SGCD: variants seen among roughly 807,000 people sequenced by gnomAD.
SGCD encodes delta-sarcoglycan.
SGCD carries 18 observed loss-of-function variants against 36.6 expected under a neutral mutation model. The ratio of observed to expected loss-of-function variants is 0.49; its 90% CI spans 0.34 to 0.73. The LOEUF (loss-of-function observed/expected upper bound fraction) is 0.73, where lower values mean the gene tolerates loss of function less well. SGCD is among the 30% of genes least tolerant of loss of function. The pLI is 0.01. For synonymous variants in SGCD, 133 were observed against 130.6 expected, an observed-to-expected ratio of 1.02 and a Z score of -0.12; for missense variants, 387 against 346.7, an observed-to-expected ratio of 1.12 and a Z score of -0.92.
chr5:156,519,038 C>CA (rs1170979510), intron 4 of SGCD, among the ~76,000 whole-genome samples: 11 of 150,484 alleles, frequency 7.3e-5, no homozygotes, highest in Admixed American at 6.6e-4. Flanking sequence ...AAAAAAAATT[C>CA]AAAAAATCAA....
At chr5:156,383,133 A>G (rs1771071233) in intron 3 of SGCD, among the ~76,000 whole-genome samples, 2 of 152,174 alleles carry the variant, frequency 1.3e-5, no homozygotes, top group South Asian at 2.1e-4. Context: ...ACTGTAATGA[A>G]ACCTGGGCCA....
intron 7 of SGCD, among the ~76,000 whole-genome samples, chr5:156,751,265 G>A (rs371168714): frequency 1.6e-4 from 24 of 152,236 alleles, no homozygotes; most frequent in African/African-American, 5.3e-4. Flanking sequence ...AACATATGTT[G>A]AGATAATCTC....
At chr5:155,754,857 T>G in the SGCD span, among the ~76,000 whole-genome samples, 1 of 152,174 alleles carries the variant, frequency 6.6e-6, no homozygotes, top group East Asian at 1.9e-4. Context: ...TCGTAATTAT[T>G]TCTAACCTCT....
intron 6 of SGCD, among the ~76,000 whole-genome samples, chr5:156,638,753 G>A (rs970477053): frequency 2.6e-5 from 4 of 151,558 alleles, no homozygotes; most frequent in South Asian, 2.1e-4. Flanking sequence ...CATGAGTTCC[G>A]GTCTATTGGT....
intron 3 of SGCD, among the ~76,000 whole-genome samples, chr5:156,144,076 T>G (rs970902716): frequency 2.6e-5 from 4 of 152,168 alleles, no homozygotes; most frequent in African/African-American, 4.8e-5. Flanking sequence ...CTCTTCATTT[T>G]TTATGGCTGC....
intron 7 of SGCD, among the ~76,000 whole-genome samples, chr5:156,737,714 TACATTATAA>T (rs1756446314): frequency 6.6e-6 from 1 of 152,166 alleles, no homozygotes; most frequent in South Asian, 2.1e-4. Context: ...GGAGATCTCT[TACATTATAA>T]TCATATGGCA....
At chr5:156,205,397 T>C (rs1054748871) in intron 3 of SGCD, among the ~76,000 whole-genome samples, 38 of 152,032 alleles carry the variant, frequency 2.5e-4, no homozygotes, top group Admixed American at 2.2e-3. Context: ...ATAAGACTAA[T>C]AAAAGGCAAT....
the SGCD span, among the ~76,000 whole-genome samples, chr5:155,793,281 A>G: frequency 6.6e-6 from 1 of 152,078 alleles, no homozygotes; most frequent in Non-Finnish European, 1.5e-5. Flanking sequence ...CTGAAAAACT[A>G]CCTGTTGGAT....
chr5:155,807,304 G>T, the SGCD span, among the ~76,000 whole-genome samples: 1 of 152,210 alleles, frequency 6.6e-6, no homozygotes. Flanking sequence ...TTGTGACTAG[G>T]ATCATCCTTT....
chr5:156,332,262 G>C (rs1174680834), intron 2 of SGCD, among the ~76,000 whole-genome samples: 2 of 152,142 alleles, frequency 1.3e-5, no homozygotes, highest in Admixed American at 6.5e-5. Context: ...GGTTCACAAA[G>C]TGTTTTTTTG....
In SGCD at chr5:156,166,610, G is replaced by T. The variant is rs555379431; in HGVS notation, c.-44+42591G>T. Reference sequence around the variant, plus strand: ...GCTGGGATTGCAGGCGTGAGCCACCGTGCCCAGCCCTCCATAACCATTTTT... The same window carrying T: ...GCTGGGATTGCAGGCGTGAGCCACCTTGCCCAGCCCTCCATAACCATTTTT... On this transcript the variant is annotated intron_variant, in intron 3 of 9. Transcript: ENST00000517913. 1.4e-4 allele frequency among the ~76,000 whole-genome samples: 22 copies of T among 152,286 alleles called. No homozygotes were observed. The South Asian group carries it at 2.3e-3, about 16-fold the overall frequency.
rs201972994 is a variant in SGCD, at chr5:156,087,657, A to C, written c.-281-30221A>C. 1.6e-3 allele frequency among the ~76,000 whole-genome samples: 240 copies of C among 151,994 alleles called. 2 individuals are homozygous for C. The East Asian group carries it at 0.031, about 19-fold the overall frequency. ...CTCCATCTCAAAAAAAAAAAAAAAAAAAAACTAGTTCCTTCTGATTTTGTA... is the reference window on the plus strand; with the variant it reads ...CTCCATCTCAAAAAAAAAAAAAAAACAAAACTAGTTCCTTCTGATTTTGTA... On this transcript the variant is annotated intron_variant, in intron 1 of 9. Transcript: ENST00000517913.
chr5:156,512,088 G>A (rs184113840), intron 4 of SGCD, among the ~76,000 whole-genome samples: 127 of 151,228 alleles, frequency 8.4e-4, no homozygotes, highest in Non-Finnish European at 1.6e-3. Flanking sequence ...CAGCTATTCC[G>A]GAGACTGAGG....
the SGCD span, among the ~76,000 whole-genome samples, chr5:155,793,321 A>G: frequency 6.6e-6 from 1 of 152,152 alleles, no homozygotes; most frequent in African/African-American, 2.4e-5. Flanking sequence ...TGACAAGACC[A>G]TTCATACTCC....
chr5:156,494,723 T>C (rs1274998366), intron 3 of SGCD, among the ~76,000 whole-genome samples: 2 of 152,176 alleles, frequency 1.3e-5, no homozygotes, highest in African/African-American at 4.8e-5. Flanking sequence ...CTATTGATCC[T>C]TCTTCCTTCC....
the SGCD span, among the ~76,000 whole-genome samples, chr5:155,762,019 A>G: frequency 2.0e-5 from 3 of 152,238 alleles, no homozygotes; most frequent in African/African-American, 7.2e-5. Flanking sequence ...ACAAATATAC[A>G]CTTGAATCTC....
At chr5:156,283,022 GTGT>G (rs1322026512) in intron 3 of SGCD, among the ~76,000 whole-genome samples, 3 of 152,136 alleles carry the variant, frequency 2.0e-5, no homozygotes, top group Non-Finnish European at 4.4e-5. Flanking sequence ...GATTAAATTA[GTGT>G]TGTTAGAAAG....
At chr5:156,017,083 T>A (rs1296731329) in intron 1 of SGCD, among the ~76,000 whole-genome samples, 2 of 152,164 alleles carry the variant, frequency 1.3e-5, no homozygotes, top group Admixed American at 6.5e-5. Flanking sequence ...TGCTTTTGAA[T>A]GTGGCCAACT....
intron 2 of SGCD, among the ~76,000 whole-genome samples, chr5:156,120,255 G>A (rs1187484464): frequency 6.6e-6 from 1 of 152,038 alleles, no homozygotes; most frequent in African/African-American, 2.4e-5. Context: ...AGGTGTGTAG[G>A]GGTGGGAGGT....
Sources: gnomAD v4.1 joint callset for allele counts (sites outside exome capture counted in the v4.1 genomes callset) on GRCh38, gnomAD v4.1.1 for gene constraint, MANE v1.5 for transcripts, NCBI Gene and HGNC (gene_info 2026-07-23, HGNC 2026-07-21) for gene names.